The following GRM5 variants were observed in gnomAD, a reference collection of about 807,000 sequenced individuals.
GRM5 encodes the protein glutamate metabotropic receptor 5.
A neutral mutation model predicts 83.1 loss-of-function variants in GRM5; 19 were observed. The observed-to-expected ratio is 0.23, with a 90% confidence interval of 0.16 to 0.34. GRM5 has a LOEUF of 0.34. Ranked by LOEUF, GRM5 falls within the 10% of genes least tolerant of loss-of-function variation. GRM5 has a pLI of 1.00. For synonymous variants in GRM5, 675 were observed against 633.6 expected, an observed-to-expected ratio of 1.07 and a Z score of -0.98; for missense variants, 1,160 against 1,588.3, an observed-to-expected ratio of 0.73 and a Z score of 4.58.
At chr11:88,951,820 G>A (rs1215077701) in intron 2 of GRM5, among the ~76,000 whole-genome samples, 3 of 152,280 alleles carry the variant, frequency 2.0e-5, no homozygotes, top group African/African-American at 7.2e-5. Context: ...TTCTGGCATG[G>A]ATGTCTGTTT....
At chr11:88,660,749 A>G (rs145215282) in intron 3 of GRM5, among the ~76,000 whole-genome samples, 1 of 152,306 alleles carries the variant, frequency 6.6e-6, no homozygotes, top group Non-Finnish European at 1.5e-5. Flanking sequence ...GACATAGAAC[A>G]TTGATTCTTA....
intron 3 of GRM5, among the ~76,000 whole-genome samples, chr11:88,712,038 T>C (rs1941293258): frequency 6.6e-6 from 1 of 152,082 alleles, no homozygotes; most frequent in African/African-American, 2.4e-5. Flanking sequence ...GTTTGATGAA[T>C]GAGTATATAA....
chr11:88,583,271 C>T (rs529344195), intron 7 of GRM5, among the ~76,000 whole-genome samples: 3 of 152,274 alleles, frequency 2.0e-5, no homozygotes, highest in African/African-American at 7.2e-5. Flanking sequence ...TTGATTCTTA[C>T]CAACATCTCT....
chr11:88,736,322 G>C (rs1431110507), intron 3 of GRM5, among the ~76,000 whole-genome samples: 1 of 152,010 alleles, frequency 6.6e-6, no homozygotes. Context: ...GTGTTTTAAT[G>C]TGCAAATTGA....
At position 88,509,011 on chromosome 11, in the gene GRM5, C is replaced by T; in HGVS notation, c.3220G>A (p.Glu1074Lys). 2 of 1,574,580 alleles carry T rather than the reference C, an allele frequency of 1.3e-6. No homozygotes were observed. The highest frequency in any genetic ancestry group is 1.7e-6 in the Non-Finnish European group (2 of 1,159,462). ...VVTRFTANIS[E>K]LNSMMLSTAA... Reference sequence around the variant, plus strand: ...GTGGACAGCATCATGGAGTTGAGCTCGCTGATGTTGGCCGTGAAGCGGGTG... The same window carrying T: ...GTGGACAGCATCATGGAGTTGAGCTTGCTGATGTTGGCCGTGAAGCGGGTG... The change falls in exon 10 of 10, where the codon GAG becomes AAG. Residue 1074 changes from glutamate (E) to lysine (K), a missense_variant. Coordinates refer to ENST00000305447, the MANE Select transcript of GRM5 (RefSeq NM_001143831.3).
At chr11:88,741,813 T>C (rs941283133) in intron 3 of GRM5, among the ~76,000 whole-genome samples, 2 of 151,994 alleles carry the variant, frequency 1.3e-5, no homozygotes, top group Non-Finnish European at 2.9e-5. Context: ...GTGGTGTGTG[T>C]GGGTGGGAGG....
chr11:88,676,669 A>G (rs888777688), intron 3 of GRM5, among the ~76,000 whole-genome samples: 2 of 152,118 alleles, frequency 1.3e-5, no homozygotes, highest in Admixed American at 6.6e-5. Flanking sequence ...TTTGGAATGA[A>G]TAAGTGTATG....
intron 3 of GRM5, among the ~76,000 whole-genome samples, chr11:88,810,646 G>T (rs1189077775): frequency 6.6e-6 from 1 of 152,048 alleles, no homozygotes; most frequent in Non-Finnish European, 1.5e-5. Flanking sequence ...AGGAGGAAGG[G>T]AAACAGCTTT....
intron 1 of GRM5, among the ~76,000 whole-genome samples, chr11:89,064,950 G>GT (rs1942070667): frequency 8.2e-6 from 1 of 121,700 alleles, no homozygotes; most frequent in African/African-American, 3.2e-5. Flanking sequence ...GGGAGAGAGA[G>GT]ATATTATTTT....
At chr11:89,056,503 A>C (rs1001436186) in intron 1 of GRM5, among the ~76,000 whole-genome samples, 5 of 152,184 alleles carry the variant, frequency 3.3e-5, no homozygotes, top group Non-Finnish European at 7.4e-5. Flanking sequence ...TCTTGATCTC[A>C]CATCTACCTA....
intron 8 of GRM5, among the ~76,000 whole-genome samples, chr11:88,537,485 G>C (rs1942162847): frequency 6.6e-6 from 1 of 152,174 alleles, no homozygotes; most frequent in South Asian, 2.1e-4. Flanking sequence ...GTGTTACAAA[G>C]AGAGCTGAAG....
intron 2 of GRM5, among the ~76,000 whole-genome samples, chr11:88,956,311 C>T (rs1248414982): frequency 1.3e-5 from 2 of 152,110 alleles, no homozygotes; most frequent in Non-Finnish European, 2.9e-5. Context: ...TAGTGATAGA[C>T]GATATTTATC....
At chr11:88,900,238 A>T in intron 2 of GRM5, among the ~76,000 whole-genome samples, 1 of 152,174 alleles carries the variant, frequency 6.6e-6, no homozygotes, top group East Asian at 1.9e-4. Flanking sequence ...GTAAATGTAT[A>T]ACAACCTGGT....
chr11:88,946,180 G>A (rs1049424195), intron 2 of GRM5, among the ~76,000 whole-genome samples: 4 of 151,970 alleles, frequency 2.6e-5, no homozygotes, highest in African/African-American at 4.8e-5. Context: ...AAATCACAAA[G>A]AGATGTCATC....
intron 3 of GRM5, among the ~76,000 whole-genome samples, chr11:88,833,327 G>T (rs1436265046): frequency 6.6e-6 from 1 of 151,792 alleles, no homozygotes; most frequent in Non-Finnish European, 1.5e-5. Flanking sequence ...TTGGGCAAAA[G>T]ACATGAACAG....
chr11:88,791,980 T>C (rs1387452739), intron 3 of GRM5, among the ~76,000 whole-genome samples: 1 of 152,174 alleles, frequency 6.6e-6, no homozygotes, highest in Non-Finnish European at 1.5e-5. Flanking sequence ...ATCAGTGTAC[T>C]ACCTAGGTCA....
At chr11:88,610,586 C>G (rs1397770940) in intron 4 of GRM5, among the ~76,000 whole-genome samples, 1 of 152,022 alleles carries the variant, frequency 6.6e-6, no homozygotes, top group African/African-American at 2.4e-5. Context: ...GAAACTTTAC[C>G]GAAGTTGTTT....
intron 2 of GRM5, among the ~76,000 whole-genome samples, chr11:89,036,198 A>T (rs1465307380): frequency 6.6e-6 from 1 of 152,074 alleles, no homozygotes; most frequent in East Asian, 1.9e-4. Context: ...ATCTTACCAC[A>T]GCATAATGCC....
chr11:88,664,838 T>C (rs1463961712), intron 3 of GRM5, among the ~76,000 whole-genome samples: 1 of 152,170 alleles, frequency 6.6e-6, no homozygotes, highest in Non-Finnish European at 1.5e-5. Flanking sequence ...TGATAATGAT[T>C]TGAGCTATTA....
Sources: allele counts gnomAD v4.1 joint callset (sites outside exome capture counted in the v4.1 genomes callset), GRCh38; gene constraint gnomAD v4.1.1; transcripts MANE v1.5; gene names NCBI Gene and HGNC (gene_info 2026-07-23, HGNC 2026-07-21).